Variants in FAM184B observed in about 807,000 individuals in gnomAD.
FAM184B encodes family with sequence similarity 184 member B.
Under a neutral mutation model 135.9 loss-of-function variants are expected in FAM184B, and 111 were observed. The observed-to-expected ratio is 0.82, with a 90% CI of 0.70 to 0.96. The LOEUF is 0.96. Among genes scored for constraint, FAM184B ranks in the 40% least tolerant of loss-of-function variants. FAM184B has a pLI of 0.00. For synonymous variants in FAM184B, 552 were observed against 524.8 expected (o/e 1.05, Z -0.71); for missense variants, 1,375 against 1,323.9 (o/e 1.04, Z -0.60).
intron 1 of FAM184B, among the ~76,000 whole-genome samples, chr4:17,772,519 C>G (rs1180743643): frequency 1.3e-5 from 2 of 152,194 alleles, no homozygotes; most frequent in Non-Finnish European, 2.9e-5. Context: ...AAGTTTCCCA[C>G]TCTCAGGTTA....
At chr4:17,775,379 G>T (rs923538619) in intron 1 of FAM184B, among the ~76,000 whole-genome samples, 1 of 152,014 alleles carries the variant, frequency 6.6e-6, no homozygotes, top group African/African-American at 2.4e-5. Flanking sequence ...TAGAGTCAGG[G>T]TTTCACCATG....
chr4:17,744,573 A>G (rs375290847), intron 1 of FAM184B, among the ~76,000 whole-genome samples: 46 of 151,708 alleles, frequency 3.0e-4, no homozygotes, highest in African/African-American at 1.0e-3. Flanking sequence ...TGCTCCTCCC[A>G]TGTAACAAGA....
chr4:17,678,190 G>A (rs371364093), intron 7 of FAM184B, among the ~76,000 whole-genome samples: 8 of 152,092 alleles, frequency 5.3e-5, no homozygotes, highest in Non-Finnish European at 1.5e-5. Flanking sequence ...ACAAGAGAAA[G>A]AAATAAAGGG....
chr4:17,723,633 T>C (rs1717580320), intron 1 of FAM184B, among the ~76,000 whole-genome samples: 1 of 152,056 alleles, frequency 6.6e-6, no homozygotes, highest in Non-Finnish European at 1.5e-5. Flanking sequence ...CTGTATACAG[T>C]CCATGACAGT....
At chr4:17,642,381 C>T (rs976165594) in intron 12 of FAM184B, among the ~76,000 whole-genome samples, 153 bp from the exon 13 acceptor site, 4 of 152,136 alleles carry the variant, frequency 2.6e-5, no homozygotes, top group African/African-American at 9.7e-5. Flanking sequence ...GCAGGGACTC[C>T]CATCTAGTCT....
At chr4:17,748,794 G>C (rs1185940357) in intron 1 of FAM184B, among the ~76,000 whole-genome samples, 1 of 152,018 alleles carries the variant, frequency 6.6e-6, no homozygotes, top group Non-Finnish European at 1.5e-5. Flanking sequence ...TGGGATTACA[G>C]ACATGAGCCA....
chr4:17,643,508 C>G (rs184907513), intron 12 of FAM184B, among the ~76,000 whole-genome samples: 1 of 152,178 alleles, frequency 6.6e-6, no homozygotes, highest in East Asian at 1.9e-4. Context: ...CAGGTGAACA[C>G]TGACTCCCTC....
At chr4:17,638,527 C>A (rs1293299220) in intron 14 of FAM184B, among the ~76,000 whole-genome samples, 1 of 152,080 alleles carries the variant, frequency 6.6e-6, no homozygotes, top group Non-Finnish European at 1.5e-5. Flanking sequence ...TATCCGAATT[C>A]TCAGCAGAAT....
At chr4:17,719,691 C>T (rs1038204234) in intron 1 of FAM184B, among the ~76,000 whole-genome samples, 8 of 151,976 alleles carry the variant, frequency 5.3e-5, no homozygotes, top group African/African-American at 9.7e-5. Flanking sequence ...TTATTTTAAC[C>T]CCACATTCTC....
intron 1 of FAM184B, among the ~76,000 whole-genome samples, chr4:17,746,513 C>G (rs901260135): frequency 1.3e-5 from 2 of 151,266 alleles, no homozygotes; most frequent in African/African-American, 4.9e-5. Flanking sequence ...GGTGGATCAC[C>G]TGGGGTCAGG....
chr4:17,763,195 A>G (rs1157582970), intron 1 of FAM184B, among the ~76,000 whole-genome samples: 2 of 152,144 alleles, frequency 1.3e-5, no homozygotes, highest in Non-Finnish European at 2.9e-5. Flanking sequence ...GAGACTGGAT[A>G]CTGGACAGTC....
Position 17,709,354 on chromosome 4 carries a change from G to T in FAM184B, c.432C>A (p.Val144=), listed in dbSNP as rs375481362. 4.6e-5 allele frequency: 71 copies of T among 1,548,144 alleles called. No homozygotes were observed. In the African/African-American group the frequency reaches 8.9e-4, roughly 19 times the overall value. The change falls in exon 2 of 18, where the codon GTC becomes GTA. Residue 144 remains valine (V), a synonymous_variant. Coordinates refer to ENST00000265018, the MANE Select transcript of FAM184B (RefSeq NM_015688.2). ...LRVEAEHAER[V]LTLSREMLEL... is the part of the protein sequence containing the mutation. ...CCAGCATTTCCCTGGAGAGCGTGAGGACTCGCTCGGCGTGCTCTGCCTCCA... is the reference window on the plus strand; with the variant it reads ...CCAGCATTTCCCTGGAGAGCGTGAGTACTCGCTCGGCGTGCTCTGCCTCCA...
intron 1 of FAM184B, among the ~76,000 whole-genome samples, chr4:17,765,816 C>A (rs928964471): frequency 1.3e-5 from 2 of 152,160 alleles, no homozygotes; most frequent in African/African-American, 4.8e-5. Flanking sequence ...AGAGTTTGTT[C>A]CTTCTGATAT....
At chr4:17,679,890 T>C (rs564395750) in intron 7 of FAM184B, among the ~76,000 whole-genome samples, 2 of 152,286 alleles carry the variant, frequency 1.3e-5, no homozygotes, top group African/African-American at 4.8e-5. Context: ...TTGGATGGAA[T>C]TGGAGACCAT....
intron 11 of FAM184B, among the ~76,000 whole-genome samples, chr4:17,649,929 GATCCACCCATTGGTTGCCCACCCAATC>G: frequency 6.9e-6 from 1 of 145,248 alleles, no homozygotes; most frequent in African/African-American, 2.6e-5. Context: ...TCCATCCACT[GATCCACCCATTGGTTGCCCACCCAATC>G]ATCCACCCAT....
intron 11 of FAM184B, among the ~76,000 whole-genome samples, chr4:17,651,182 G>T (rs1167061852): frequency 6.6e-6 from 1 of 152,174 alleles, no homozygotes; most frequent in Non-Finnish European, 1.5e-5. Context: ...AGGAGAAAAT[G>T]AGGGACAGGG....
intron 7 of FAM184B, among the ~76,000 whole-genome samples, chr4:17,666,604 G>A (rs374783499): frequency 2.0e-5 from 3 of 148,958 alleles, no homozygotes; most frequent in African/African-American, 7.4e-5. Context: ...GATTACAGAC[G>A]CAAGTCACCA....
rs548580433 is a variant in FAM184B at position 17,693,177 on chromosome 4, G to A, written c.1488+125C>T. The A allele has an allele frequency of 2.0e-4, 131 of 648,540 alleles. No homozygotes were observed. In the Middle Eastern group the frequency reaches 5.1e-3, roughly 25 times the overall value. The allele number at this position is 648,540 out of a possible 1,614,324, so 40.2% of individuals were successfully genotyped here. On this transcript the variant is annotated intron_variant, in intron 6 of 17. Transcript: ENST00000265018. ...ACTTGCAGCTAAATGCACGCCCCCC[G>A]AGACAGCCTGCCTGTCTGGCTGAGT...
At chr4:17,737,700 G>A (rs540283575) in intron 1 of FAM184B, among the ~76,000 whole-genome samples, 12 of 152,122 alleles carry the variant, frequency 7.9e-5, no homozygotes, top group African/African-American at 2.9e-4. Flanking sequence ...TCATGAGAAG[G>A]ACAAAGTATC....
Sources: gnomAD v4.1 joint callset for allele counts (sites outside exome capture counted in the v4.1 genomes callset) on GRCh38, gnomAD v4.1.1 for gene constraint, MANE v1.5 for transcripts, NCBI Gene and HGNC (gene_info 2026-07-23, HGNC 2026-07-21) for gene names.